PARN: variants seen among roughly 807,000 people sequenced by gnomAD.
PARN encodes poly(A)-specific ribonuclease PARN.
Under a neutral mutation model 102.8 loss-of-function variants are expected in PARN, and 71 were observed. The ratio of observed to expected loss-of-function variants is 0.69; its 90% CI spans 0.57 to 0.84. The LOEUF (loss-of-function observed/expected upper bound fraction) is 0.84. PARN is among the 40% of genes least tolerant of loss of function. The pLI is 0.00. For missense variants in PARN, 782 were observed against 760.9 expected, an observed-to-expected ratio of 1.03 and a Z score of -0.33; for synonymous variants, 261 against 252.9, an observed-to-expected ratio of 1.03 and a Z score of -0.30.
At chr16:14,587,320 G>A (rs1221916339) in intron 13 of PARN, among the ~76,000 whole-genome samples, 1 of 152,204 alleles carries the variant, frequency 6.6e-6, no homozygotes, top group Non-Finnish European at 1.5e-5. Context: ...CAAGGAACAA[G>A]GAGAATTACG....
chr16:14,563,383 G>T lies in PARN; in HGVS notation c.1263-7674C>A, dbSNP rs891479653. Reference sequence around the variant, plus strand: ...ACAAGAGCTCCAGCCACGAAGGAAGGTTGTGAGTGTACCATGACAGATCTG... The same window carrying T: ...ACAAGAGCTCCAGCCACGAAGGAAGTTTGTGAGTGTACCATGACAGATCTG... On this transcript the variant is annotated intron_variant, in intron 18 of 23. Transcript: ENST00000437198. Among the ~76,000 whole-genome samples the T allele has an allele frequency of 2.0e-5, 3 of 152,100 alleles. No individual in the cohort carries two copies. In the East Asian group the frequency reaches 5.8e-4, roughly 29 times the overall value.
chr16:14,611,603 C>T (rs1319004112), intron 6 of PARN, among the ~76,000 whole-genome samples: 5 of 152,096 alleles, frequency 3.3e-5, no homozygotes, highest in African/African-American at 1.2e-4. Flanking sequence ...TGCAATGGCA[C>T]AATATGAGCT....
chr16:14,606,458 T>C (rs763834156), intron 10 of PARN, 26 bp downstream of exon 10: 1 of 1,399,238 alleles, frequency 7.1e-7, no homozygotes, highest in Non-Finnish European at 1.0e-6. Context: ...TGTTTAATGT[T>C]AGCCCTAGAT....
At chr16:14,439,887 C>T (rs1338208228) in intron 23 of PARN, among the ~76,000 whole-genome samples, 3 of 152,038 alleles carry the variant, frequency 2.0e-5, no homozygotes, top group South Asian at 2.1e-4. Context: ...TGGTGGCAGG[C>T]GCCTGTAATC....
At chr16:14,573,196 T>C (rs1358242631) in intron 18 of PARN, among the ~76,000 whole-genome samples, 1 of 152,230 alleles carries the variant, frequency 6.6e-6, no homozygotes, top group Non-Finnish European at 1.5e-5. Context: ...TATTTATTTT[T>C]AATTAACAAC....
intron 21 of PARN, among the ~76,000 whole-genome samples, chr16:14,496,164 G>A (rs750992953): frequency 4.9e-4 from 74 of 152,232 alleles, no homozygotes; most frequent in Admixed American, 2.5e-3. Flanking sequence ...TGAAGATGGC[G>A]ATTCTGACAG....
At chr16:14,528,134 T>C (rs1231556704) in intron 21 of PARN, among the ~76,000 whole-genome samples, 1 of 152,238 alleles carries the variant, frequency 6.6e-6, no homozygotes. Context: ...AGTGTCAGAA[T>C]AAATCCATAG....
rs1210445245 is a variant in PARN at position 14,530,221 on chromosome 16, G to C, written c.1480+21800C>G. ...CTCCTCCAGACCTGTGGAGACCACA[G>C]GGTGAAGGAATGAGCATTTCTTCCT... On this transcript the variant is annotated intron_variant, in intron 21 of 23. Coordinates refer to ENST00000437198, the MANE Select transcript of PARN (RefSeq NM_002582.4). Among the ~76,000 whole-genome samples the C allele has an allele frequency of 2.0e-5, 3 of 152,274 alleles. No homozygotes were observed. The South Asian group carries it at 6.2e-4, about 32-fold the overall frequency.
At chr16:14,508,434 G>GTGT (rs1965008643) in intron 21 of PARN, among the ~76,000 whole-genome samples, 1 of 151,986 alleles carries the variant, frequency 6.6e-6, no homozygotes, top group South Asian at 2.1e-4. Context: ...AAGATAAAAC[G>GTGT]TGTAGCATTC....
At chr16:14,486,698 C>A (rs1963719707) in intron 21 of PARN, among the ~76,000 whole-genome samples, 1 of 152,244 alleles carries the variant, frequency 6.6e-6, no homozygotes, top group Non-Finnish European at 1.5e-5. Flanking sequence ...AGCAGCTTTG[C>A]AGCTCTCGGC....
chr16:14,558,284 A>T (rs1380604151), intron 18 of PARN: 1 of 151,988 alleles, frequency 6.6e-6, no homozygotes, highest in Non-Finnish European at 1.5e-5. Flanking sequence ...AATACAAAAA[A>T]TTAGTGAGTT....
chr16:14,495,874 C>T (rs1204227598), intron 21 of PARN, among the ~76,000 whole-genome samples: 3 of 152,042 alleles, frequency 2.0e-5, no homozygotes, highest in East Asian at 1.9e-4. Context: ...GGCAGGAAGT[C>T]GCACCTGGAA....
chr16:14,591,406 A>T (rs1040653466), intron 13 of PARN, among the ~76,000 whole-genome samples: 4 of 151,546 alleles, frequency 2.6e-5, no homozygotes, highest in African/African-American at 9.7e-5. Context: ...AAAAAAAAAA[A>T]ATTATTTAAA....
intron 18 of PARN, among the ~76,000 whole-genome samples, chr16:14,562,525 C>A (rs1489631424): frequency 6.7e-6 from 1 of 150,124 alleles, no homozygotes; most frequent in South Asian, 2.1e-4. Flanking sequence ...AAGGCAGTAA[C>A]ATAAGCCTTC....
intron 21 of PARN, among the ~76,000 whole-genome samples, chr16:14,503,430 A>ATC (rs145417731): frequency 0.042 from 6,462 of 152,306 alleles, 331 homozygotes; most frequent in African/African-American, 0.12. Context: ...ACGTATCATG[A>ATC]ATATGTCATG....
At chr16:14,584,711 A>G in intron 15 of PARN, 38 bp downstream of exon 15, 1 of 1,439,084 alleles carries the variant, frequency 6.9e-7, no homozygotes, top group Non-Finnish European at 9.6e-7. Flanking sequence ...TCACTCAGTA[A>G]TATGCAGTCG....
At chr16:14,460,476 G>A (rs1484331355) in intron 22 of PARN, among the ~76,000 whole-genome samples, 2 of 152,132 alleles carry the variant, frequency 1.3e-5, no homozygotes, top group Non-Finnish European at 2.9e-5. Context: ...TTCTACACTC[G>A]TACTCCTTTG....
intron 21 of PARN, among the ~76,000 whole-genome samples, chr16:14,498,871 T>C (rs1964448564): frequency 6.6e-6 from 1 of 152,238 alleles, no homozygotes; most frequent in South Asian, 2.1e-4. Flanking sequence ...ATTTTACGCT[T>C]TGCCTTGATG....
intron 22 of PARN, among the ~76,000 whole-genome samples, chr16:14,471,903 G>A (rs1313826246): frequency 1.3e-5 from 2 of 152,258 alleles, no homozygotes; most frequent in East Asian, 1.9e-4. Context: ...GCATGTATTA[G>A]AATCTCCTTC....
Sources: gnomAD v4.1 joint callset for allele counts (sites outside exome capture counted in the v4.1 genomes callset) on GRCh38, gnomAD v4.1.1 for gene constraint, MANE v1.5 for transcripts, NCBI Gene and HGNC (gene_info 2026-07-23, HGNC 2026-07-21) for gene names.